The following HERPUD2 variants were observed in gnomAD, a reference collection of about 807,000 sequenced individuals.
HERPUD2 encodes HERPUD family member 2.
A neutral mutation model predicts 49.9 loss-of-function variants in HERPUD2; 13 were observed. The ratio of observed to expected loss-of-function variants is 0.26; its 90% CI spans 0.17 to 0.41. The LOEUF (loss-of-function observed/expected upper bound fraction) is 0.41, where lower values mean the gene tolerates loss of function less well. Among genes scored for constraint, HERPUD2 ranks in the 10% least tolerant of loss-of-function variants. The probability of loss-of-function intolerance (pLI) is 1.00; values close to 1 mark genes in which losing one functional copy is unlikely to be tolerated. For synonymous variants in HERPUD2, 172 were observed against 171.4 expected (o/e 1.00, Z -0.03); for missense variants, 449 against 492.2 (o/e 0.91, Z 0.83).
chr7:35,688,438 T>C (rs1260287027), intron 2 of HERPUD2, among the ~76,000 whole-genome samples: 3 of 152,314 alleles, frequency 2.0e-5, no homozygotes, highest in African/African-American at 4.8e-5. Context: ...ATATATGATA[T>C]TCACACACCA....
Position 35,633,792 on chromosome 7 carries a change from G to A in HERPUD2, c.1119C>T (p.Ala373=), listed in dbSNP as rs149291348. 1.4e-4 allele frequency: 222 copies of A among 1,613,912 alleles called. 1 individual carries two copies. The African/African-American group carries it at 2.8e-3, about 20-fold the overall frequency. ...TTAATCCAGGCCTTTGAATTGCACT[G>A]GCATCTTCACCTCCATCTTCTCCAC... ...DESGEDGGED[A]SAIQRPGLMA... The change falls in exon 9 of 9, where the codon GCC becomes GCT. Residue 373 remains alanine, a synonymous_variant. Coordinates refer to ENST00000311350, the MANE Select transcript of HERPUD2 (RefSeq NM_022373.5).
At chr7:35,686,822 TGGG>T (rs1786068630) in intron 2 of HERPUD2, among the ~76,000 whole-genome samples, 1 of 2,534 alleles carries the variant, frequency 3.9e-4, no homozygotes, top group Non-Finnish European at 6.1e-4. Context: ...GGGGGGGGGG[TGGG>T]GGGGTGGGGG....
intron 2 of HERPUD2, among the ~76,000 whole-genome samples, chr7:35,679,025 A>AT (rs1785823741): frequency 6.6e-6 from 1 of 152,178 alleles, no homozygotes; most frequent in South Asian, 2.1e-4. Flanking sequence ...TTTAAAACAA[A>AT]TTTTTCACGG....
chr7:35,633,764 C>G lies in HERPUD2; in HGVS notation c.1147G>C (p.Ala383Pro). The change falls in exon 9 of 9, where the codon GCT (alanine) becomes CCT (proline). Residue 383 changes from alanine (A) to proline (P), a missense_variant. By Grantham distance (27) the Ala-to-Pro change is conservative. Transcript: ENST00000311350. ...GTGGTGATGAAAGACCAAGCTGAAG[C>G]CATTAATCCAGGCCTTTGAATTGCA... ...ASAIQRPGLM[A>P]SAWSFITTFF... 3 of 1,614,044 alleles carry G rather than the reference C, an allele frequency of 1.9e-6. No homozygotes were observed. The South Asian group carries it at 3.3e-5, about 18-fold the overall frequency.
chr7:35,687,886 G>T (rs1019927424), intron 2 of HERPUD2, among the ~76,000 whole-genome samples: 3 of 152,124 alleles, frequency 2.0e-5, no homozygotes, highest in African/African-American at 7.2e-5. Context: ...TTATGTCAAG[G>T]ATTAAATGGG....
At chr7:35,664,761 C>A (rs1270251691) in intron 5 of HERPUD2, among the ~76,000 whole-genome samples, 2 of 152,178 alleles carry the variant, frequency 1.3e-5, no homozygotes, top group Non-Finnish European at 2.9e-5. Context: ...ATGGACTTAT[C>A]TATGCTGTTT....
At chr7:35,664,039 C>T (rs1198100149) in intron 5 of HERPUD2, among the ~76,000 whole-genome samples, 2 of 152,130 alleles carry the variant, frequency 1.3e-5, no homozygotes, top group African/African-American at 4.8e-5. Flanking sequence ...ACCGGTTGTT[C>T]CTTTCCGTGT....
chr7:35,643,623 C>A (rs879663280), intron 5 of HERPUD2, among the ~76,000 whole-genome samples: 1 of 151,528 alleles, frequency 6.6e-6, no homozygotes, highest in Non-Finnish European at 1.5e-5. Flanking sequence ...CACACACACA[C>A]ACACACTTTC....
intron 3 of HERPUD2, among the ~76,000 whole-genome samples, chr7:35,670,575 G>C (rs939176806): frequency 6.6e-6 from 1 of 151,900 alleles, no homozygotes; most frequent in African/African-American, 2.4e-5. Flanking sequence ...AAATTATTTT[G>C]CATACGAAGC....
chr7:35,643,751 G>GT (rs1239536851), intron 5 of HERPUD2, among the ~76,000 whole-genome samples: 1 of 150,884 alleles, frequency 6.6e-6, no homozygotes, highest in African/African-American at 2.4e-5. Context: ...CTCTCTGAAT[G>GT]TATCTTGTTT....
intron 2 of HERPUD2, among the ~76,000 whole-genome samples, chr7:35,686,285 T>C (rs558096637): frequency 1.8e-5 from 1 of 55,336 alleles, no homozygotes; most frequent in Non-Finnish European, 3.4e-5. Flanking sequence ...GCCTCCCAGG[T>C]TCATGCCATT....
At chr7:35,680,917 T>C (rs369855975) in intron 2 of HERPUD2, among the ~76,000 whole-genome samples, 3 of 152,218 alleles carry the variant, frequency 2.0e-5, no homozygotes, top group Admixed American at 6.5e-5. Context: ...TCACAGAGTA[T>C]ATGCTAAGTG....
Position 35,634,309 on chromosome 7 carries a change from T to C in HERPUD2, c.1059+3A>G, listed in dbSNP as rs1193491753. 1.9e-6 allele frequency: 3 copies of C among 1,581,148 alleles called. No homozygotes were observed. The highest frequency in any genetic ancestry group is 2.7e-5 in the African/African-American group (2 of 74,208). On this transcript the variant is annotated splice_donor_region_variant and intron_variant, in intron 8 of 8. Transcript: ENST00000311350. ...TAAGTATACAAAAGCTTCAATCACA[T>C]ACCATTTCTTCAAGTTCCAAGTTGT...
intron 2 of HERPUD2, among the ~76,000 whole-genome samples, chr7:35,674,404 T>TATATATATAGAG (rs1785711309): frequency 1.0e-4 from 4 of 38,124 alleles, no homozygotes; most frequent in South Asian, 1.1e-3. Context: ...TATATATATA[T>TATATATATAGAG]AGAGAGAGAG....
intron 2 of HERPUD2, among the ~76,000 whole-genome samples, chr7:35,688,146 G>C (rs933363577): frequency 1.3e-5 from 2 of 152,008 alleles, no homozygotes; most frequent in African/African-American, 4.8e-5. Flanking sequence ...TAAAGAGCTG[G>C]GTCCCAGGAA....
At chr7:35,643,611 TACACAC>T (rs369044326) in intron 5 of HERPUD2, among the ~76,000 whole-genome samples, 1 of 149,708 alleles carries the variant, frequency 6.7e-6, no homozygotes, top group African/African-American at 2.4e-5. Context: ...TATATGTGTG[TACACAC>T]ACACACACAC....
In HERPUD2 at chr7:35,682,343, GTGTGTGTGTGTGTGTATATATATATA is replaced by G. The variant is rs1785924281; in HGVS notation, c.148-9091_148-9066del. Among the ~76,000 whole-genome samples the G allele has an allele frequency of 1.3e-4, 5 of 37,792 alleles. 1 individual carries two copies. Among genetic ancestry groups the G allele is most frequent in the East Asian group, 9.8e-4 (1 of 1,016 alleles). The allele number at this position is 37,792 out of a possible 152,430, so 24.8% of individuals were successfully genotyped here. ...CATACACACGTGTGTGTGTGTGTGT[GTGTGTGTGTGTGTGTATATATATATA>G]TATATATATATATATATACTTAATC... is the stretch of plus-strand genomic sequence containing the variant. On this transcript the variant is annotated intron_variant, in intron 2 of 8. Coordinates refer to ENST00000311350, the MANE Select transcript of HERPUD2 (RefSeq NM_022373.5).
chr7:35,652,532 C>A (rs1785188316), intron 5 of HERPUD2, among the ~76,000 whole-genome samples: 1 of 151,076 alleles, frequency 6.6e-6, no homozygotes, highest in Non-Finnish European at 1.5e-5. Flanking sequence ...TCAGCAGAAA[C>A]CTTACAGGCC....
chr7:35,649,111 C>T lies in HERPUD2; in HGVS notation c.495-10639G>A, dbSNP rs1047144787. Reference sequence around the variant, plus strand: ...CTAAAAATACAAAAAATTAGCCAGGCGTGGTGGCAGGCGCCTGTAGTCCCA... The same window carrying T: ...CTAAAAATACAAAAAATTAGCCAGGTGTGGTGGCAGGCGCCTGTAGTCCCA... On this transcript the variant is annotated intron_variant, in intron 5 of 8. Transcript: ENST00000311350. Among the ~76,000 whole-genome samples, 17 of 152,120 alleles carry T rather than the reference C, an allele frequency of 1.1e-4. 1 individual carries two copies. In the South Asian group the frequency reaches 2.9e-3, roughly 26 times the overall value.
Sources: allele counts gnomAD v4.1 joint callset (sites outside exome capture counted in the v4.1 genomes callset), GRCh38; gene constraint gnomAD v4.1.1; transcripts MANE v1.5; gene names NCBI Gene and HGNC (gene_info 2026-07-23, HGNC 2026-07-21).